Variants in PTPRD observed in about 807,000 individuals in gnomAD.
PTPRD encodes protein tyrosine phosphatase receptor type D.
A neutral mutation model predicts 214.5 loss-of-function variants in PTPRD; 34 were observed. The ratio of observed to expected loss-of-function variants is 0.16; its 90% CI spans 0.12 to 0.21. The LOEUF is 0.21. PTPRD is among the 10% of genes least tolerant of loss of function. The pLI is 1.00. For synonymous variants in PTPRD, 1,128 were observed against 845.7 expected (o/e 1.33, Z -5.79); for missense variants, 2,545 against 2,398.7 (o/e 1.06, Z -1.27).
At chr9:10,045,092 A>G (rs185279288) in intron 3 of PTPRD, among the ~76,000 whole-genome samples, 1 of 151,832 alleles carries the variant, frequency 6.6e-6, no homozygotes, top group Admixed American at 6.6e-5. Context: ...AGAGGTCAAA[A>G]TGAGGTCTGG....
intron 9 of PTPRD, among the ~76,000 whole-genome samples, chr9:9,350,568 T>C (rs1203245195): frequency 6.6e-6 from 1 of 152,098 alleles, no homozygotes; most frequent in Non-Finnish European, 1.5e-5. Context: ...TGGTCATCAC[T>C]GTAAAATTTT....
chr9:9,159,561 T>C (rs1592645999), intron 10 of PTPRD, among the ~76,000 whole-genome samples: 2 of 151,942 alleles, frequency 1.3e-5, no homozygotes, highest in East Asian at 1.9e-4. Flanking sequence ...GAAAAGAAAA[T>C]ACAAATCAGT....
intron 37 of PTPRD, among the ~76,000 whole-genome samples, chr9:8,381,504 A>C (rs1311951188): frequency 6.6e-6 from 1 of 152,178 alleles, no homozygotes; most frequent in East Asian, 1.9e-4. Context: ...ATCTATTCCC[A>C]ACTGGCAGTC....
chr9:10,190,349 C>T (rs2099357288), intron 3 of PTPRD, among the ~76,000 whole-genome samples: 2 of 129,302 alleles, frequency 1.5e-5, no homozygotes, highest in African/African-American at 6.0e-5. Context: ...CACTGCACTC[C>T]AGCACTGCAG....
intron 9 of PTPRD, among the ~76,000 whole-genome samples, chr9:9,389,413 G>A (rs972248748): frequency 4.4e-4 from 67 of 152,232 alleles, no homozygotes; most frequent in African/African-American, 1.5e-3. Context: ...GGGAGGCTGA[G>A]GTAGGAGAAT....
intron 11 of PTPRD, among the ~76,000 whole-genome samples, chr9:8,790,129 G>A (rs536880074): frequency 6.6e-5 from 10 of 151,924 alleles, no homozygotes; most frequent in South Asian, 4.2e-4. Flanking sequence ...CAATCCTCCC[G>A]CCTTGGCCTC....
At chr9:8,488,117 G>T (rs2097071179) in intron 27 of PTPRD, among the ~76,000 whole-genome samples, 1 of 151,938 alleles carries the variant, frequency 6.6e-6, no homozygotes, top group Non-Finnish European at 1.5e-5. Flanking sequence ...CATACCATGG[G>T]GATATAGATG....
intron 12 of PTPRD, among the ~76,000 whole-genome samples, chr9:8,661,759 A>T (rs781615560): frequency 6.6e-6 from 1 of 151,428 alleles, no homozygotes; most frequent in Non-Finnish European, 1.5e-5. Flanking sequence ...TTCTCCAACC[A>T]TTGACACTTA....
intron 7 of PTPRD, among the ~76,000 whole-genome samples, chr9:9,716,701 G>GT (rs1222830856): frequency 1.3e-5 from 2 of 152,068 alleles, no homozygotes; most frequent in Non-Finnish European, 2.9e-5. Flanking sequence ...TGATGGGGTT[G>GT]TTTTTTTCTT....
At chr9:9,595,303 T>C (rs2093207341) in intron 7 of PTPRD, among the ~76,000 whole-genome samples, 1 of 69,900 alleles carries the variant, frequency 1.4e-5, no homozygotes, top group South Asian at 3.0e-4. Context: ...TATATATATA[T>C]ATATATATTA....
At chr9:8,472,674 T>C (rs765058728) in intron 30 of PTPRD, among the ~76,000 whole-genome samples, 13 of 152,144 alleles carry the variant, frequency 8.5e-5, no homozygotes, top group Non-Finnish European at 1.6e-4. Flanking sequence ...AAAATAATGA[T>C]ACATTATAAA....
chr9:10,278,811 G>T (rs560525954), intron 3 of PTPRD, among the ~76,000 whole-genome samples: 8 of 150,074 alleles, frequency 5.3e-5, no homozygotes, highest in African/African-American at 1.5e-4. Flanking sequence ...GTCTCGCTCT[G>T]TTGCCCAGGC....
intron 14 of PTPRD, among the ~76,000 whole-genome samples, chr9:8,616,325 C>T (rs113464795): frequency 7.9e-5 from 12 of 152,062 alleles, no homozygotes; most frequent in Non-Finnish European, 1.3e-4. Context: ...GGCAGATGAG[C>T]TAGAGGAAAA....
At chr9:9,186,526 G>A (rs998297863) in intron 9 of PTPRD, among the ~76,000 whole-genome samples, 1 of 151,944 alleles carries the variant, frequency 6.6e-6, no homozygotes, top group South Asian at 2.1e-4. Context: ...TGGGAAGATC[G>A]ATTGAGCTCC....
chr9:8,315,337 T>C lies in PTPRD; in HGVS notation c.*2537A>G, dbSNP rs1050432148. The C allele has an allele frequency of 3.0e-5, 7 of 232,524 alleles. No homozygotes were observed. Among genetic ancestry groups the C allele is most frequent in the African/African-American group, 1.3e-4 (6 of 45,276 alleles). 14.4% of individuals were successfully genotyped at this position (232,524 alleles called of 1,614,324 possible). On this transcript the variant is annotated 3_prime_UTR_variant, in exon 46 of 46. Transcript: ENST00000381196. ...TTTCCCTTTGCCAAATGGGCAGTTATTGTTTCAGGGAGAGAAGCTGCTCAT... is the reference window on the plus strand; with the variant it reads ...TTTCCCTTTGCCAAATGGGCAGTTACTGTTTCAGGGAGAGAAGCTGCTCAT...
intron 4 of PTPRD, among the ~76,000 whole-genome samples, chr9:9,969,773 CA>C (rs1488508058): frequency 1.3e-5 from 2 of 152,326 alleles, no homozygotes; most frequent in African/African-American, 2.4e-5. Context: ...AATTAAATAT[CA>C]ACTTTGCAAT....
At chr9:9,666,954 G>A (rs1222833412) in intron 7 of PTPRD, among the ~76,000 whole-genome samples, 1 of 151,932 alleles carries the variant, frequency 6.6e-6, no homozygotes, top group African/African-American at 2.4e-5. Flanking sequence ...ACTGATGAGT[G>A]TTTTTTGTAA....
chr9:10,360,980 T>C (rs2097372727), intron 2 of PTPRD, among the ~76,000 whole-genome samples: 2 of 151,988 alleles, frequency 1.3e-5, no homozygotes, highest in Non-Finnish European at 2.9e-5. Flanking sequence ...CGGGCGCCTG[T>C]AGTCCCAGCT....
intron 3 of PTPRD, among the ~76,000 whole-genome samples, chr9:10,143,268 G>A (rs1022520667): frequency 7.0e-6 from 1 of 143,284 alleles, no homozygotes; most frequent in Non-Finnish European, 1.5e-5. Context: ...AAAACTTAAA[G>A]TATAATAATA....
Sources: gnomAD v4.1 joint callset for allele counts (sites outside exome capture counted in the v4.1 genomes callset) on GRCh38, gnomAD v4.1.1 for gene constraint, MANE v1.5 for transcripts, NCBI Gene and HGNC (gene_info 2026-07-23, HGNC 2026-07-21) for gene names.